The following STK4 variants were observed in gnomAD, a reference collection of about 807,000 sequenced individuals.
STK4 encodes the protein serine/threonine-protein kinase 4.
A neutral mutation model predicts 64.9 loss-of-function variants in STK4; 30 were observed. That is an observed-to-expected ratio of 0.46 (90% CI 0.35 to 0.63). The LOEUF (loss-of-function observed/expected upper bound fraction) is 0.63, where lower values mean the gene tolerates loss of function less well. Ranked by LOEUF, STK4 falls within the 20% of genes least tolerant of loss-of-function variation. The pLI, the probability that STK4 is intolerant of heterozygous loss-of-function variation, is 0.01. For missense variants in STK4, 466 were observed against 598.5 expected (o/e 0.78, Z 2.31); for synonymous variants, 177 against 199.0 (o/e 0.89, Z 0.93).
chr20:45,020,596 G>A (rs2068229656), intron 9 of STK4, among the ~76,000 whole-genome samples: 1 of 152,024 alleles, frequency 6.6e-6, no homozygotes. Flanking sequence ...TATTTAACTT[G>A]ATTCATGATT....
intron 2 of STK4, 139 bp downstream of exon 2, chr20:44,972,297 G>A (rs1317654491): frequency 7.1e-6 from 5 of 708,310 alleles, no homozygotes; most frequent in African/African-American, 3.6e-5. Flanking sequence ...GTCCTTCTTC[G>A]CTTTACTCCA....
chr20:45,002,905 T>G (rs1337397164), intron 9 of STK4, among the ~76,000 whole-genome samples: 3 of 151,996 alleles, frequency 2.0e-5, no homozygotes, highest in Non-Finnish European at 4.4e-5. Context: ...GGGCAAGATT[T>G]TTTTTTTTTT....
chr20:45,047,872 A>G (rs945295455), intron 10 of STK4, among the ~76,000 whole-genome samples: 4 of 152,212 alleles, frequency 2.6e-5, no homozygotes, highest in African/African-American at 9.7e-5. Flanking sequence ...TGTGTCCTTA[A>G]GTAAGCCACC....
chr20:45,011,729 A>ATATATATTTT (rs60170856), intron 9 of STK4, among the ~76,000 whole-genome samples: 5 of 115,386 alleles, frequency 4.3e-5, no homozygotes, highest in African/African-American at 1.8e-4. Context: ...ATATATATAT[A>ATATATATTTT]TTTTTTTTTT....
chr20:45,047,196 CT>C (rs1339257518), intron 10 of STK4, among the ~76,000 whole-genome samples: 1 of 152,146 alleles, frequency 6.6e-6, no homozygotes, highest in African/African-American at 2.4e-5. Flanking sequence ...ATACCATCTT[CT>C]TTTCATAATA....
intron 10 of STK4, among the ~76,000 whole-genome samples, chr20:45,032,853 TTTCCACCA>T (rs2068468292): frequency 6.6e-6 from 1 of 152,236 alleles, no homozygotes; most frequent in African/African-American, 2.4e-5. Context: ...GACACATGGC[TTTCCACCA>T]TGATTGAACT....
Position 44,987,117 on chromosome 20 carries a change from T to C in STK4, c.361-15T>C. The C allele has an allele frequency of 6.4e-7, 1 of 1,574,204 alleles. No individual in the cohort carries two copies. The highest frequency in any genetic ancestry group is 1.2e-5 in the South Asian group (1 of 86,024). ...TGTAAACTGATAGAATTTGAACTTC[T>C]TATTCTTTTTTCAGTTAACAGAAGA... On this transcript the variant is annotated splice_polypyrimidine_tract_variant and intron_variant, in intron 4 of 10. Transcript: ENST00000372806.
intron 10 of STK4, among the ~76,000 whole-genome samples, chr20:45,036,399 T>A (rs2068528055): frequency 6.6e-6 from 1 of 152,164 alleles, no homozygotes; most frequent in Admixed American, 6.6e-5. Flanking sequence ...CAGTACACGG[T>A]ACCCACTCCT....
Position 45,062,989 on chromosome 20 carries a change from C to CTTTTTTTTTTTTTT in STK4, c.1306-12012_1306-11999dup. 2.5e-3 allele frequency among the ~76,000 whole-genome samples: 79 copies of CTTTTTTTTTTTTTT among 31,504 alleles called. 20 individuals are homozygous for CTTTTTTTTTTTTTT. The highest frequency in any genetic ancestry group is 3.7e-3 in the Non-Finnish European group (64 of 17,132). 20.7% of individuals were successfully genotyped at this position (31,504 alleles called of 152,430 possible). On this transcript the variant is annotated intron_variant, in intron 10 of 10. Coordinates refer to ENST00000372806, the MANE Select transcript of STK4 (RefSeq NM_006282.5). ...ACAGGTGTGAGCCACCGCACCCGGC[C>CTTTTTTTTTTTTTT]TTTTTTTTTTTTTTTTTTTTTTTTT...
intron 9 of STK4, among the ~76,000 whole-genome samples, chr20:45,022,255 TA>T (rs560760425): frequency 3.9e-5 from 6 of 152,110 alleles, no homozygotes; most frequent in East Asian, 1.9e-4. Flanking sequence ...TGTGGTTAGA[TA>T]AAAAAAATTC....
intron 10 of STK4, among the ~76,000 whole-genome samples, chr20:45,059,703 T>C (rs563472479): frequency 6.6e-6 from 1 of 152,270 alleles, no homozygotes; most frequent in South Asian, 2.1e-4. Context: ...AAACTACAGA[T>C]AAGGGGGAAT....
chr20:45,049,668 A>G (rs997061451), intron 10 of STK4, among the ~76,000 whole-genome samples: 1 of 152,246 alleles, frequency 6.6e-6, no homozygotes, highest in South Asian at 2.1e-4. Context: ...TAACAATGGT[A>G]CTGTGAATTC....
At chr20:45,033,072 T>C (rs567681784) in intron 10 of STK4, among the ~76,000 whole-genome samples, 1 of 152,362 alleles carries the variant, frequency 6.6e-6, no homozygotes, top group Admixed American at 6.5e-5. Flanking sequence ...GTATGTCTTC[T>C]TTTGAGAAGT....
chr20:44,986,451 A>G (rs913859502), intron 4 of STK4, among the ~76,000 whole-genome samples: 1 of 152,222 alleles, frequency 6.6e-6, no homozygotes, highest in African/African-American at 2.4e-5. Context: ...AGAAAGTGGT[A>G]AAAGATGAAG....
intron 10 of STK4, among the ~76,000 whole-genome samples, chr20:45,056,000 G>A (rs1299564181): frequency 6.6e-6 from 1 of 152,044 alleles, no homozygotes; most frequent in African/African-American, 2.4e-5. Flanking sequence ...TAAAGTGTTG[G>A]GATTACCAGC....
intron 10 of STK4, among the ~76,000 whole-genome samples, chr20:45,073,524 G>A (rs1039207232): frequency 6.6e-6 from 1 of 152,128 alleles, no homozygotes; most frequent in African/African-American, 2.4e-5. Context: ...CTACTTTCCT[G>A]TGGAGACCTC....
At chr20:44,974,749 G>A (rs1257817637) in intron 2 of STK4, 1 of 152,264 alleles carries the variant, frequency 6.6e-6, no homozygotes, top group African/African-American at 2.4e-5. Flanking sequence ...AATTACAGAT[G>A]TGAGCCACCA....
chr20:44,971,983 G>A (rs1601172945), intron 1 of STK4, 95 bp from the exon 2 acceptor site: 1 of 1,244,318 alleles, frequency 8.0e-7, no homozygotes, highest in East Asian at 2.5e-5. Flanking sequence ...GTATAGAGAA[G>A]TTCCTGAGAT....
chr20:45,006,812 G>T (rs972178071), intron 9 of STK4, among the ~76,000 whole-genome samples: 3 of 152,188 alleles, frequency 2.0e-5, no homozygotes, highest in Admixed American at 2.0e-4. Context: ...CTTCTGGGCA[G>T]TATTGTCCTG....
Sources: gnomAD v4.1 joint callset for allele counts (sites outside exome capture counted in the v4.1 genomes callset) on GRCh38, gnomAD v4.1.1 for gene constraint, MANE v1.5 for transcripts, NCBI Gene and HGNC (gene_info 2026-07-23, HGNC 2026-07-21) for gene names.